CDH23: variants seen among roughly 807,000 people sequenced by gnomAD.
The protein encoded by CDH23 is cadherin-23.
A neutral mutation model predicts 317.1 loss-of-function variants in CDH23; 189 were observed. That is an observed-to-expected ratio of 0.60 (90% CI 0.53 to 0.67). The LOEUF is 0.67. Ranked by LOEUF, CDH23 falls within the 30% of genes least tolerant of loss-of-function variation. The pLI is 0.00. For missense variants in CDH23, 4,401 were observed against 4,592.4 expected (o/e 0.96, Z 1.20); for synonymous variants, 1,839 against 1,876.8 (o/e 0.98, Z 0.52).
At chr10:71,748,780 C>G (rs965701170) in intron 38 of CDH23, 1 of 152,746 alleles carries the variant, frequency 6.5e-6, no homozygotes, top group African/African-American at 2.4e-5. Context: ...ATCAGAGGCA[C>G]TACCATCCCG....
intron 68 of CDH23, 71 bp downstream of exon 68, chr10:71,812,961 GT>G (rs1768276952): frequency 6.3e-7 from 1 of 1,586,780 alleles, no homozygotes; most frequent in Non-Finnish European, 8.6e-7. Flanking sequence ...AGAACACAGG[GT>G]GGTAGAGACC....
In CDH23 at chr10:71,810,731, G is replaced by A. The variant is rs554327436; in HGVS notation, c.9077+162G>A. ...GGGCAGGGCTAGGAGAGAGAGCAGA[G>A]TTTGGGGGTATGAGCAACTCTGTCC... On this transcript the variant is annotated intron_variant, in intron 62 of 69. Coordinates refer to ENST00000224721, the MANE Select transcript of CDH23 (RefSeq NM_022124.6). Among the ~76,000 whole-genome samples the A allele has an allele frequency of 2.2e-4, 34 of 152,286 alleles. 1 individual carries two copies. In the South Asian group the frequency reaches 6.8e-3, roughly 31 times the overall value.
chr10:71,572,360 T>A (rs1193412677), intron 8 of CDH23, among the ~76,000 whole-genome samples: 4 of 152,166 alleles, frequency 2.6e-5, no homozygotes, highest in Non-Finnish European at 4.4e-5. Context: ...TGTTTTCAGA[T>A]GAGGCAGGGC....
At chr10:71,460,050 G>A (rs1338252209) in intron 3 of CDH23, among the ~76,000 whole-genome samples, 1 of 152,194 alleles carries the variant, frequency 6.6e-6, no homozygotes, top group African/African-American at 2.4e-5. Context: ...TAGTTATGGA[G>A]CCCATTTTAC....
intron 6 of CDH23, among the ~76,000 whole-genome samples, chr10:71,542,064 A>C (rs1040937249): frequency 3.3e-5 from 5 of 152,126 alleles, no homozygotes; most frequent in Admixed American, 6.5e-5. Flanking sequence ...CTCATTTTCC[A>C]GATAAGGAAA....
At chr10:71,498,869 T>C (rs149344151) in intron 3 of CDH23, among the ~76,000 whole-genome samples, 27 of 152,330 alleles carry the variant, frequency 1.8e-4, no homozygotes, top group African/African-American at 6.3e-4. Flanking sequence ...GTATTCAATG[T>C]CTGATCTTTC....
intron 6 of CDH23, among the ~76,000 whole-genome samples, chr10:71,565,998 C>T (rs1857375604): frequency 6.6e-6 from 1 of 152,142 alleles, no homozygotes; most frequent in Non-Finnish European, 1.5e-5. Context: ...TGTGAGGGAG[C>T]CTGCTGGGTT....
chr10:71,713,240 A>G (rs750143421), intron 28 of CDH23: 5 of 779,262 alleles, frequency 6.4e-6, no homozygotes, highest in Non-Finnish European at 1.2e-5. Context: ...GTAAACAGGC[A>G]CAAGAAGAAA....
chr10:71,772,696 A>G (rs1446106380), intron 38 of CDH23, among the ~76,000 whole-genome samples: 2 of 152,208 alleles, frequency 1.3e-5, no homozygotes, highest in African/African-American at 4.8e-5. Context: ...AGAGTGTCCC[A>G]CATCCTCCCC....
In CDH23 at chr10:71,439,844, G is replaced by T; in HGVS notation, c.13G>T (p.Val5Phe). ...GTCCCCAGGAGCCATGGGGCGCCAT[G>T]TTGCCACCAGCTGCCACGTGGCCTG... Reference protein sequence around the residue: MGRHVATSCHVAWLL... With the variant: MGRHFATSCHVAWLL... Residue 5 changes from valine (V) to phenylalanine (F), a missense_variant, in exon 2 of 70, where the codon GTT becomes TTT. Physicochemically the swap from Val to Phe is conservative, Grantham distance 50. Coordinates refer to ENST00000224721, the MANE Select transcript of CDH23 (RefSeq NM_022124.6). 1 of 1,569,314 alleles carries T rather than the reference G, an allele frequency of 6.4e-7. No individual in the cohort carries two copies.
At chr10:71,560,534 G>A (rs80253332) in intron 6 of CDH23, among the ~76,000 whole-genome samples, 2,509 of 152,206 alleles carry the variant, frequency 0.016, 43 homozygotes, top group Middle Eastern at 0.065. Context: ...AAGGTGACCC[G>A]ACTTTGAATC....
At chr10:71,532,696 T>G (rs1855445024) in intron 6 of CDH23, among the ~76,000 whole-genome samples, 1 of 99,730 alleles carries the variant, frequency 1.0e-5, no homozygotes, top group Non-Finnish European at 2.0e-5. Flanking sequence ...TGTTGGCAAG[T>G]TTTCTTTTGT....
intron 9 of CDH23, among the ~76,000 whole-genome samples, chr10:71,605,073 A>G (rs1447942199): frequency 2.0e-5 from 3 of 152,222 alleles, no homozygotes; most frequent in African/African-American, 7.2e-5. Context: ...GACACACACC[A>G]TCAAACACTG....
intron 11 of CDH23, 62 bp from the exon 12 acceptor site, chr10:71,643,799 A>G (rs1862690408): frequency 2.6e-6 from 2 of 763,896 alleles, no homozygotes; most frequent in Admixed American, 1.7e-5. Flanking sequence ...CCTCCTCTCC[A>G]TACCTCTCCG....
At chr10:71,497,016 G>T (rs1198037382) in intron 3 of CDH23, among the ~76,000 whole-genome samples, 1 of 152,196 alleles carries the variant, frequency 6.6e-6, no homozygotes, top group Non-Finnish European at 1.5e-5. Flanking sequence ...ACATTCAGGG[G>T]ACTGTGAGGA....
intron 6 of CDH23, among the ~76,000 whole-genome samples, chr10:71,534,977 T>C (rs2132271620): frequency 1.3e-5 from 2 of 152,110 alleles, no homozygotes; most frequent in South Asian, 4.2e-4. Context: ...GCCCCTGTCT[T>C]CCCCTCCCTG....
intron 1 of CDH23, among the ~76,000 whole-genome samples, chr10:71,432,779 G>A (rs755767752): frequency 5.3e-5 from 8 of 152,162 alleles, no homozygotes; most frequent in Non-Finnish European, 1.2e-4. Context: ...GGCTGGACTC[G>A]GGATGGAGAG....
intron 13 of CDH23, 34 bp from the exon 14 acceptor site, chr10:71,646,425 G>A: frequency 6.2e-7 from 1 of 1,608,450 alleles, no homozygotes; most frequent in African/African-American, 1.3e-5. Flanking sequence ...GGGACATGTG[G>A]GAGCTTACCT....
chr10:71,778,730 A>G (rs540607185), intron 40 of CDH23, among the ~76,000 whole-genome samples: 1 of 152,354 alleles, frequency 6.6e-6, no homozygotes, highest in Admixed American at 6.5e-5. Flanking sequence ...ACCACAGTGC[A>G]GCAACAAATA....
Sources: allele counts gnomAD v4.1 joint callset (sites outside exome capture counted in the v4.1 genomes callset), GRCh38; gene constraint gnomAD v4.1.1; transcripts MANE v1.5; gene names NCBI Gene and HGNC (gene_info 2026-07-23, HGNC 2026-07-21).